KIF16B: variants seen among roughly 807,000 people sequenced by gnomAD.
The protein encoded by KIF16B is kinesin family member 16B.
A neutral mutation model predicts 156.3 loss-of-function variants in KIF16B; 98 were observed. The observed-to-expected ratio is 0.63, with a 90% CI of 0.53 to 0.74. The LOEUF (loss-of-function observed/expected upper bound fraction) is 0.74. Among genes scored for constraint, KIF16B ranks in the 30% least tolerant of loss-of-function variants. The probability of loss-of-function intolerance (pLI) is 0.00; values close to 1 mark genes in which losing one functional copy is unlikely to be tolerated. For missense variants in KIF16B, 1,421 were observed against 1,606.5 expected, an observed-to-expected ratio of 0.88 and a Z score of 1.97; for synonymous variants, 564 against 583.7, an observed-to-expected ratio of 0.97 and a Z score of 0.49.
At chr20:16,568,425 C>T (rs933894140) in intron 1 of KIF16B, among the ~76,000 whole-genome samples, 13 of 152,286 alleles carry the variant, frequency 8.5e-5, no homozygotes, top group Admixed American at 8.5e-4. Context: ...GTAATGACAA[C>T]AAGCACTCTT....
At chr20:16,319,347 TC>T (rs2063741830) in intron 24 of KIF16B, among the ~76,000 whole-genome samples, 1 of 152,238 alleles carries the variant, frequency 6.6e-6, no homozygotes, top group African/African-American at 2.4e-5. Flanking sequence ...CTCTGTACTA[TC>T]TTCAGATTTT....
At chr20:16,380,775 A>C (rs1344029264) in intron 18 of KIF16B, among the ~76,000 whole-genome samples, 2 of 152,218 alleles carry the variant, frequency 1.3e-5, no homozygotes, top group African/African-American at 4.8e-5. Context: ...AAAATGCATA[A>C]TTTTGCAGGC....
At chr20:16,397,338 T>C (rs999387350) in intron 17 of KIF16B, among the ~76,000 whole-genome samples, 2 of 152,240 alleles carry the variant, frequency 1.3e-5, no homozygotes, top group African/African-American at 4.8e-5. Flanking sequence ...GTATCACGCA[T>C]GTGTGCGTAC....
chr20:16,488,115 A>G (rs545517603), intron 12 of KIF16B, among the ~76,000 whole-genome samples: 114 of 152,330 alleles, frequency 7.5e-4, no homozygotes, highest in African/African-American at 2.7e-3. Context: ...AGCCAGCCGG[A>G]CATTGGAGCC....
At chr20:16,287,798 T>G (rs1034887065) in intron 25 of KIF16B, among the ~76,000 whole-genome samples, 6 of 152,152 alleles carry the variant, frequency 3.9e-5, no homozygotes, top group African/African-American at 1.4e-4. Context: ...AACCTGCTTT[T>G]CTCCAGAGCA....
chr20:16,385,200 A>AC (rs2065200765), intron 17 of KIF16B, among the ~76,000 whole-genome samples: 1 of 150,590 alleles, frequency 6.6e-6, no homozygotes. Context: ...TCTGTCTCAA[A>AC]AAAAAAAAAA....
chr20:16,446,205 T>C (rs2146564374), intron 12 of KIF16B, among the ~76,000 whole-genome samples: 1 of 152,314 alleles, frequency 6.6e-6, no homozygotes, highest in East Asian at 1.9e-4. Context: ...AGCTAAAAGT[T>C]CACTTCATTG....
At chr20:16,426,678 T>C (rs2066361078) in intron 15 of KIF16B, among the ~76,000 whole-genome samples, 1 of 152,048 alleles carries the variant, frequency 6.6e-6, no homozygotes, top group African/African-American at 2.4e-5. Flanking sequence ...AACTTGTCTA[T>C]GATATTGAAG....
rs2066772151 is a variant in KIF16B, at chr20:16,440,584, C to G, written c.1303-10602G>C. ...ACACACACACACACACACACACACACAGGTACACATTTAGAACCAATGAGG... is the reference window on the plus strand; with the variant it reads ...ACACACACACACACACACACACACAGAGGTACACATTTAGAACCAATGAGG... On this transcript the variant is annotated intron_variant, in intron 12 of 25. Transcript: ENST00000354981. 2.4e-5 allele frequency among the ~76,000 whole-genome samples: 3 copies of G among 127,356 alleles called. No homozygotes were observed. In the South Asian group the frequency reaches 7.7e-4, roughly 33 times the overall value. 83.6% of individuals were successfully genotyped at this position (127,356 alleles called of 152,430 possible).
intron 23 of KIF16B, among the ~76,000 whole-genome samples, chr20:16,352,581 A>G (rs1375083403): frequency 6.6e-6 from 1 of 152,150 alleles, no homozygotes; most frequent in Non-Finnish European, 1.5e-5. Context: ...CATTCCCTTA[A>G]CAGGCTCCTG....
chr20:16,404,927 G>T (rs1158448634), intron 16 of KIF16B, 26 bp from the exon 17 acceptor site: 4 of 1,570,808 alleles, frequency 2.5e-6, no homozygotes, highest in African/African-American at 2.7e-5. Flanking sequence ...GGGCAGAGTG[G>T]TTACCTTAGC....
chr20:16,288,293 T>A (rs1014804956), intron 25 of KIF16B, among the ~76,000 whole-genome samples: 4 of 152,336 alleles, frequency 2.6e-5, no homozygotes, highest in Middle Eastern at 6.8e-3. Flanking sequence ...ATTATAGTAT[T>A]TTCTTTTTAG....
intron 15 of KIF16B, among the ~76,000 whole-genome samples, chr20:16,412,734 T>G (rs541358198): frequency 6.6e-6 from 1 of 152,120 alleles, no homozygotes; most frequent in African/African-American, 2.4e-5. Flanking sequence ...CCATGACATG[T>G]GGGGATTATG....
Position 16,378,844 on chromosome 20 carries a change from A to C in KIF16B, c.3158T>G (p.Leu1053Arg), listed in dbSNP as rs1568909270. The C allele has an allele frequency of 3.1e-6, 5 of 1,613,210 alleles. No homozygotes were observed. Among genetic ancestry groups the C allele is most frequent in the Non-Finnish European group, 4.2e-6 (5 of 1,179,742 alleles). Residue 1053 changes from leucine to arginine, a missense_variant, in exon 19 of 26, where the codon CTG becomes CGG. Physicochemically the swap from Leu to Arg is moderately radical, Grantham distance 102. Coordinates refer to ENST00000354981, the MANE Select transcript of KIF16B (RefSeq NM_024704.5). ...CTCCAGGGCTTCCTGCTCAGCCTCC[A>C]GGCTAGCCTGGAGCCCTGACTGCTC... is the stretch of plus-strand genomic sequence containing the variant. ...SREQSGLQAS[L>R]EAEQEALEKD... is the part of the protein sequence containing the mutation.
At chr20:16,525,784 C>T (rs544052462) in intron 3 of KIF16B, among the ~76,000 whole-genome samples, 32 of 152,270 alleles carry the variant, frequency 2.1e-4, no homozygotes, top group African/African-American at 7.2e-4. Context: ...CACATGTCTC[C>T]CCAGAAATGC....
In KIF16B at chr20:16,509,782, C is replaced by T. The variant is rs544217117; in HGVS notation, c.556+1636G>A. On this transcript the variant is annotated intron_variant, in intron 6 of 25. Coordinates refer to ENST00000354981, the MANE Select transcript of KIF16B (RefSeq NM_024704.5). ...TTTTGTAATTAAGCTTTTTACTTTGCTTACAGTGTTTCTGTCAAGTATGAT... is the reference window on the plus strand; with the variant it reads ...TTTTGTAATTAAGCTTTTTACTTTGTTTACAGTGTTTCTGTCAAGTATGAT... Among the ~76,000 whole-genome samples, 9 of 152,260 alleles carry T rather than the reference C, an allele frequency of 5.9e-5. No individual in the cohort carries two copies. The East Asian group carries it at 1.7e-3, about 29-fold the overall frequency.
intron 7 of KIF16B, among the ~76,000 whole-genome samples, chr20:16,507,572 C>T (rs1237043053): frequency 6.6e-6 from 1 of 152,126 alleles, no homozygotes; most frequent in Non-Finnish European, 1.5e-5. Flanking sequence ...AAGATGAGTG[C>T]CATGGAGCGG....
intron 12 of KIF16B, among the ~76,000 whole-genome samples, chr20:16,441,802 A>T (rs1472552117): frequency 6.6e-6 from 1 of 152,138 alleles, no homozygotes; most frequent in Admixed American, 6.6e-5. Context: ...GATTCATTCA[A>T]CCAACACCTA....
At chr20:16,337,594 T>C (rs748908480) in intron 23 of KIF16B, among the ~76,000 whole-genome samples, 3 of 152,094 alleles carry the variant, frequency 2.0e-5, no homozygotes, top group Non-Finnish European at 2.9e-5. Context: ...GTGGAGGTGC[T>C]CTGCAGTAGT....
Sources: allele counts gnomAD v4.1 joint callset (sites outside exome capture counted in the v4.1 genomes callset), GRCh38; gene constraint gnomAD v4.1.1; transcripts MANE v1.5; gene names NCBI Gene and HGNC (gene_info 2026-07-23, HGNC 2026-07-21).